Variants in STAG3 observed in about 807,000 individuals in gnomAD.
The protein encoded by STAG3 is cohesin subunit SA-3.
STAG3 carries 101 observed loss-of-function variants against 160.7 expected under a neutral mutation model. The observed-to-expected ratio is 0.63, with a 90% CI of 0.54 to 0.74. The LOEUF is 0.74. STAG3 is among the 30% of genes least tolerant of loss of function. STAG3 has a pLI of 0.00. For missense variants in STAG3, 1,188 were observed against 1,517.4 expected, an observed-to-expected ratio of 0.78 and a Z score of 3.61; for synonymous variants, 519 against 585.0, an observed-to-expected ratio of 0.89 and a Z score of 1.63.
chr7:100,195,000 T>C (rs1298597295), intron 8 of STAG3, among the ~76,000 whole-genome samples: 3 of 152,144 alleles, frequency 2.0e-5, no homozygotes, highest in African/African-American at 4.8e-5. Context: ...AAATCCACAA[T>C]GTCTGCAAAT....
intron 32 of STAG3, chr7:100,212,852 C>T (rs1000847043): frequency 2.0e-5 from 3 of 151,966 alleles, no homozygotes; most frequent in African/African-American, 4.8e-5. Context: ...GAGTTGGAGT[C>T]CAGCCTGGGT....
downstream of STAG3, among the ~76,000 whole-genome samples, chr7:100,216,950 A>G (rs1802805516): frequency 6.6e-6 from 1 of 152,056 alleles, no homozygotes; most frequent in Non-Finnish European, 1.5e-5. Flanking sequence ...AGGTCAGAGG[A>G]TGATTTCCCG....
intron 4 of STAG3, among the ~76,000 whole-genome samples, chr7:100,183,620 A>G (rs1799792226): frequency 6.6e-6 from 1 of 152,268 alleles, no homozygotes; most frequent in South Asian, 2.1e-4. Flanking sequence ...GAAATGAAAC[A>G]TTAATAGTGC....
intron 26 of STAG3, 97 bp downstream of exon 26, chr7:100,204,219 C>A: frequency 1.1e-6 from 1 of 937,258 alleles, no homozygotes; most frequent in Non-Finnish European, 1.7e-6. Flanking sequence ...AGAGCAGTAA[C>A]TTTTCTTGTT....
intron 1 of STAG3, among the ~76,000 whole-genome samples, chr7:100,178,860 G>T (rs1450509690): frequency 2.1e-5 from 3 of 146,134 alleles, no homozygotes; most frequent in Admixed American, 1.4e-4. Context: ...ACAGAGTCTC[G>T]CTCTGTTTCC....
At chr7:100,213,974 T>C in intron 33 of STAG3, 33 bp from the exon 34 acceptor site, 1 of 1,614,162 alleles carries the variant, frequency 6.2e-7, no homozygotes, top group Non-Finnish European at 8.5e-7. Context: ...CGTTGCTGTG[T>C]CCTGTGTATT....
intron 11 of STAG3, 82 bp from the exon 12 acceptor site, chr7:100,198,005 C>G (rs1800800590): frequency 2.6e-6 from 4 of 1,546,704 alleles, no homozygotes; most frequent in South Asian, 1.1e-5. Flanking sequence ...TAGGCACTCT[C>G]TTTAGGAGTC....
chr7:100,212,238 G>T (rs1015943976), intron 32 of STAG3: 1 of 189,870 alleles, frequency 5.3e-6, no homozygotes, highest in Non-Finnish European at 1.1e-5. Context: ...CACAAAACAT[G>T]ACCCCCTATC....
chr7:100,197,953 A>G, intron 11 of STAG3, 77 bp downstream of exon 11: 2 of 1,498,770 alleles, frequency 1.3e-6, no homozygotes. Flanking sequence ...TCTACCCCTC[A>G]TGCTCTAAGA....
At chr7:100,217,232 G>A (rs924055388), downstream of STAG3, among the ~76,000 whole-genome samples, 16 of 152,070 alleles carry the variant, frequency 1.1e-4, no homozygotes, top group African/African-American at 1.9e-4. Flanking sequence ...TTTTGTGCAC[G>A]CCCTCACCCT....
intron 9 of STAG3, among the ~76,000 whole-genome samples, 187 bp from the exon 10 acceptor site, chr7:100,196,968 TA>T (rs1452345128): frequency 1.1e-4 from 17 of 152,090 alleles, no homozygotes; most frequent in Middle Eastern, 3.4e-3. Context: ...TCCTATCCCT[TA>T]AAAAAAATAT....
chr7:100,213,701 A>T (rs1245202285), intron 32 of STAG3, 34 bp from the exon 33 acceptor site: 1 of 1,614,024 alleles, frequency 6.2e-7, no homozygotes, highest in Non-Finnish European at 8.5e-7. Flanking sequence ...GAGTGTGTAA[A>T]GGCCTTTTTG....
At chr7:100,184,438 T>G (rs867697150) in intron 4 of STAG3, among the ~76,000 whole-genome samples, 28 of 151,516 alleles carry the variant, frequency 1.8e-4, no homozygotes, top group African/African-American at 6.8e-4. Flanking sequence ...CTTTTCCACC[T>G]TATATGCAGT....
At chr7:100,189,876 G>A (rs1800254150) in intron 8 of STAG3, among the ~76,000 whole-genome samples, 1 of 150,116 alleles carries the variant, frequency 6.7e-6, no homozygotes, top group Admixed American at 6.7e-5. Context: ...TTTAAGTGCT[G>A]TACCTGCCTG....
downstream of STAG3, among the ~76,000 whole-genome samples, chr7:100,216,400 ATTGG>A (rs1444620035): frequency 1.3e-5 from 2 of 152,232 alleles, no homozygotes; most frequent in Non-Finnish European, 2.9e-5. Flanking sequence ...AAAATATTTC[ATTGG>A]TTAACACTGC....
Position 100,211,868 on chromosome 7 carries a change from A to G in STAG3, c.3592A>G (p.Thr1198Ala), listed in dbSNP as rs1218398718. The G allele has an allele frequency of 6.2e-7, 1 of 1,614,112 alleles. No homozygotes were observed. ...QDESNEERQD[T>A]DMQASSYSST... ...TGAGTCAAATGAAGAACGGCAGGATACAGACATGGTGAGTAGACCACCCTG... is the reference window on the plus strand; with the variant it reads ...TGAGTCAAATGAAGAACGGCAGGATGCAGACATGGTGAGTAGACCACCCTG... The change falls in exon 32 of 34, where the codon ACA (threonine) becomes GCA (alanine). Residue 1198 changes from threonine (T) to alanine (A), a missense_variant. By Grantham distance (58) the Thr-to-Ala change is moderately conservative. Transcript: ENST00000615138.
At chr7:100,211,698 T>C in intron 31 of STAG3, 97 bp from the exon 32 acceptor site, 1 of 1,444,538 alleles carries the variant, frequency 6.9e-7, no homozygotes, top group South Asian at 1.2e-5. Flanking sequence ...TATGCTGTAC[T>C]TACTGCTCCC....
At chr7:100,201,480 TG>T (rs1801127906) in intron 21 of STAG3, 129 bp downstream of exon 21, 2 of 776,086 alleles carry the variant, frequency 2.6e-6, no homozygotes, top group South Asian at 1.6e-5. Context: ...ATCAGGTGGG[TG>T]GGGGTCACCT....
rs1192240103 is a variant in STAG3, at chr7:100,205,271, C to T, written c.3125C>T (p.Pro1042Leu). 1.2e-6 allele frequency: 2 copies of T among 1,614,124 alleles called. No homozygotes were observed. The highest frequency in any genetic ancestry group is 3.3e-5 in the Admixed American group (2 of 60,014). Reference protein sequence around the residue: ...EKCLQHVSQAPGHPWGPVTTY... With the variant: ...EKCLQHVSQALGHPWGPVTTY... Reference sequence around the variant, plus strand: ...TGCCTGCAGCATGTCTCCCAGGCACCTGGCCATCCCTGGGGCCCAGTCACC... The same window carrying T: ...TGCCTGCAGCATGTCTCCCAGGCACTTGGCCATCCCTGGGGCCCAGTCACC... Residue 1042 changes from proline (P) to leucine (L), a missense_variant, in exon 29 of 34, where the codon CCT (proline) becomes CTT (leucine). Transcript: ENST00000615138.
Sources: allele counts gnomAD v4.1 joint callset (sites outside exome capture counted in the v4.1 genomes callset), GRCh38; gene constraint gnomAD v4.1.1; transcripts MANE v1.5; gene names NCBI Gene and HGNC (gene_info 2026-07-23, HGNC 2026-07-21).